Variants in TNR observed in about 807,000 individuals in gnomAD.
The protein encoded by TNR is tenascin-R.
Under a neutral mutation model 150.4 loss-of-function variants are expected in TNR, and 45 were observed. That is an observed-to-expected ratio of 0.30 (90% CI 0.24 to 0.38). The LOEUF is 0.38. Ranked by LOEUF, TNR falls within the 10% of genes least tolerant of loss-of-function variation. The pLI is 1.00. For synonymous variants in TNR, 687 were observed against 678.4 expected (o/e 1.01, Z -0.20); for missense variants, 1,544 against 1,759.1 (o/e 0.88, Z 2.19).
At chr1:175,644,612 T>C (rs554101520) in intron 1 of TNR, among the ~76,000 whole-genome samples, 4 of 152,388 alleles carry the variant, frequency 2.6e-5, no homozygotes, top group Admixed American at 2.6e-4. Context: ...ATTTTGTGAA[T>C]TGTGGCACTG....
At chr1:175,706,533 C>T (rs1188027652) in intron 1 of TNR, among the ~76,000 whole-genome samples, 1 of 152,112 alleles carries the variant, frequency 6.6e-6, no homozygotes, top group Admixed American at 6.5e-5. Flanking sequence ...TTGCTGTCAC[C>T]CTTTCCACCC....
chr1:175,359,526 T>G, intron 15 of TNR, 86 bp downstream of exon 15: 1 of 1,602,084 alleles, frequency 6.2e-7, no homozygotes, highest in Non-Finnish European at 8.5e-7. Flanking sequence ...ATTGAAAAAA[T>G]GTTTTGTTTA....
At chr1:175,475,442 T>C (rs1350721656) in intron 2 of TNR, among the ~76,000 whole-genome samples, 1 of 152,180 alleles carries the variant, frequency 6.6e-6, no homozygotes, top group Non-Finnish European at 1.5e-5. Flanking sequence ...GTGACAGGAA[T>C]ACAATCAAGC....
At chr1:175,464,164 A>G (rs376587302) in intron 2 of TNR, among the ~76,000 whole-genome samples, 30 of 152,372 alleles carry the variant, frequency 2.0e-4, no homozygotes, top group African/African-American at 6.3e-4. Context: ...TGAAAGGGGA[A>G]TAATCAAGGA....
chr1:175,730,861 C>T (rs1667619454), intron 1 of TNR, among the ~76,000 whole-genome samples: 1 of 152,072 alleles, frequency 6.6e-6, no homozygotes, highest in Non-Finnish European at 1.5e-5. Flanking sequence ...GCTGCACACA[C>T]AGGCTTTGTC....
intron 2 of TNR, among the ~76,000 whole-genome samples, chr1:175,476,640 A>G (rs1166933145): frequency 6.6e-6 from 1 of 152,222 alleles, no homozygotes; most frequent in Non-Finnish European, 1.5e-5. Flanking sequence ...CTCACAATAA[A>G]AAACCTAACA....
intron 1 of TNR, among the ~76,000 whole-genome samples, chr1:175,719,920 C>T (rs960320217): frequency 6.6e-6 from 1 of 152,222 alleles, no homozygotes; most frequent in Non-Finnish European, 1.5e-5. Context: ...CTCATTTCCA[C>T]AACAGTTCCT....
chr1:175,592,995 T>C (rs542541351), intron 1 of TNR, among the ~76,000 whole-genome samples: 11 of 152,324 alleles, frequency 7.2e-5, no homozygotes, highest in Admixed American at 6.5e-5. Flanking sequence ...GGAAGATACA[T>C]CCCTGTTGTC....
rs577813815 is a variant in TNR, at chr1:175,359,270, C to G, written c.2974+342G>C. 4.4e-4 allele frequency among the ~76,000 whole-genome samples: 67 copies of G among 150,946 alleles called. 1 individual carries two copies. The highest frequency in any genetic ancestry group is 1.8e-3 in the East Asian group (9 of 5,050). Reference sequence around the variant, plus strand: ...AAGTGATTCTCCTGCCTCAGCCTCCCAAGTAGCTGGGACTACAGGTTTGCA... The same window carrying G: ...AAGTGATTCTCCTGCCTCAGCCTCCGAAGTAGCTGGGACTACAGGTTTGCA... On this transcript the variant is annotated intron_variant, in intron 15 of 22. Transcript: ENST00000367674.
Position 175,324,465 on chromosome 1 carries a change from T to C in TNR, c.3848A>G (p.Asn1283Ser). The C allele has an allele frequency of 6.2e-7, 1 of 1,614,114 alleles. No individual in the cohort carries two copies. The highest frequency in any genetic ancestry group is 8.5e-7 in the Non-Finnish European group (1 of 1,180,000). ...GRPFSTEDRD[N>S]DVAVTNCAMS... ...GGCACAGTTAGTCACTGCAACATCA[T>C]TGTCTCTATCCTCTGTGGAGAAAGG... Residue 1283 changes from asparagine to serine, a missense_variant, in exon 22 of 23, where the codon AAT becomes AGT. By Grantham distance (46) the Asn-to-Ser change is conservative. Around this residue, in one of 2 missense-constraint regions of TNR, gnomAD observed 290 missense variants for 429.7 expected, o/e 0.67. Transcript: ENST00000367674.
chr1:175,395,078 A>C (rs1159876311), intron 5 of TNR, among the ~76,000 whole-genome samples: 1 of 152,142 alleles, frequency 6.6e-6, no homozygotes, highest in Non-Finnish European at 1.5e-5. Context: ...AAAAGGTCAA[A>C]TATAAACAGA....
chr1:175,370,191 A>G (rs565736587), intron 9 of TNR, among the ~76,000 whole-genome samples: 1 of 152,260 alleles, frequency 6.6e-6, no homozygotes, highest in East Asian at 1.9e-4. Context: ...CAATTTCTGA[A>G]GAATGAGAAT....
rs534273752 is a variant in TNR, at chr1:175,341,107, C to G, written c.3383-3428G>C. Among the ~76,000 whole-genome samples the G allele has an allele frequency of 2.3e-4, 35 of 152,312 alleles. 2 individuals carry two copies. The highest frequency in any genetic ancestry group is 2.0e-3 in the Admixed American group (31 of 15,310). ...ACACTGGTTCCTGTTCTGCTGTATT[C>G]AATGTGAACGTACTGGGGCTTTATA... On this transcript the variant is annotated intron_variant, in intron 18 of 22. Coordinates refer to ENST00000367674, the MANE Select transcript of TNR (RefSeq NM_003285.3).
At chr1:175,585,047 T>A (rs1038064777) in intron 1 of TNR, among the ~76,000 whole-genome samples, 3 of 152,194 alleles carry the variant, frequency 2.0e-5, no homozygotes, top group Admixed American at 6.5e-5. Flanking sequence ...TAATAGCAAA[T>A]ACAAACATGA....
intron 14 of TNR, among the ~76,000 whole-genome samples, chr1:175,362,273 G>T (rs191430376): frequency 1.3e-5 from 2 of 152,276 alleles, no homozygotes; most frequent in African/African-American, 4.8e-5. Flanking sequence ...TGAATTTCAT[G>T]ACCCCATTCC....
intron 2 of TNR, among the ~76,000 whole-genome samples, chr1:175,473,764 A>C (rs1657402541): frequency 6.6e-6 from 1 of 152,206 alleles, no homozygotes; most frequent in South Asian, 2.1e-4. Context: ...CAGCTAACAG[A>C]GTGTGAAAGT....
chr1:175,432,701 T>G (rs1386481759), intron 2 of TNR, among the ~76,000 whole-genome samples: 1 of 152,140 alleles, frequency 6.6e-6, no homozygotes, highest in Non-Finnish European at 1.5e-5. Context: ...TCTATGGTAT[T>G]GTATTAGGAG....
chr1:175,393,710 C>T (rs1302525526), intron 6 of TNR, 70 bp downstream of exon 6: 2 of 1,278,012 alleles, frequency 1.6e-6, no homozygotes, highest in Admixed American at 1.7e-5. Context: ...TCCTTGCTGC[C>T]CCTGATTCCA....
chr1:175,323,521 G>T, intron 22 of TNR, 45 bp from the exon 23 acceptor site: 1 of 1,600,294 alleles, frequency 6.2e-7, no homozygotes, highest in South Asian at 1.1e-5. Flanking sequence ...CCCCACCATG[G>T]AACGCCCCAC....
Sources: allele counts gnomAD v4.1 joint callset (sites outside exome capture counted in the v4.1 genomes callset), GRCh38; gene constraint gnomAD v4.1.1; regional missense constraint gnomAD v4.1.1; transcripts MANE v1.5; gene names NCBI Gene and HGNC (gene_info 2026-07-23, HGNC 2026-07-21).